The following GC variants were observed in gnomAD, a reference collection of about 807,000 sequenced individuals.
GC encodes the protein GC vitamin D binding protein.
In GC, 43 loss-of-function variants were observed where a neutral mutation model predicts 56.7. That is an observed-to-expected ratio of 0.76 (90% CI 0.59 to 0.98). The LOEUF is 0.98. Among genes scored for constraint, GC ranks in the 50% least tolerant of loss-of-function variants. The pLI is 0.00. For missense variants in GC, 529 were observed against 545.9 expected (o/e 0.97, Z 0.31); for synonymous variants, 216 against 202.7 (o/e 1.07, Z -0.56).
intron 1 of GC, among the ~76,000 whole-genome samples, chr4:71,801,504 C>A (rs1228203837): frequency 6.6e-6 from 1 of 152,110 alleles, no homozygotes; most frequent in Non-Finnish European, 1.5e-5. Context: ...ATTTTTGACA[C>A]ATAGAGAGCC....
chr4:71,748,231 C>G (rs1741438358), intron 11 of GC, among the ~76,000 whole-genome samples: 1 of 152,108 alleles, frequency 6.6e-6, no homozygotes, highest in Non-Finnish European at 1.5e-5. Flanking sequence ...ATGGCTTAAT[C>G]AATGATAGCT....
At chr4:71,786,413 A>C (rs1742838619), upstream of GC, among the ~76,000 whole-genome samples, 2 of 151,822 alleles carry the variant, frequency 1.3e-5, no homozygotes, top group South Asian at 4.1e-4. Context: ...AAAAAGACCA[A>C]ATCAAACCTT....
chr4:71,803,576 G>C (rs1489233190), intron 1 of GC, among the ~76,000 whole-genome samples: 1 of 152,060 alleles, frequency 6.6e-6, no homozygotes, highest in Non-Finnish European at 1.5e-5. Flanking sequence ...AAAATACCGG[G>C]TATTTCTGGT....
At chr4:71,782,513 T>C (rs953451400) in intron 1 of GC, among the ~76,000 whole-genome samples, 24 of 151,856 alleles carry the variant, frequency 1.6e-4, no homozygotes, top group African/African-American at 5.1e-4. Context: ...TCTAGGGGAC[T>C]GACTGGAGGT....
At chr4:71,749,915 G>A (rs772019745) in intron 11 of GC, among the ~76,000 whole-genome samples, 3 of 152,122 alleles carry the variant, frequency 2.0e-5, no homozygotes, top group East Asian at 3.8e-4. Flanking sequence ...TGGGACCAGA[G>A]TGTAAATATG....
chr4:71,757,936 C>A lies in GC; in HGVS notation c.831+106G>T, dbSNP rs112583430. The stretch of plus-strand genomic sequence containing the variant: ...ATTTCATAGAATACATGTAAGCATC[C>A]GTTAGGATAATGCATATGAAATAGA... On this transcript the variant is annotated intron_variant, in intron 7 of 12. Transcript: ENST00000273951. The A allele has an allele frequency of 2.1e-3, 1,705 of 809,670 alleles. 31 individuals carry two copies. In the African/African-American group the frequency reaches 0.027, roughly 13 times the overall value. 50.2% of individuals were successfully genotyped at this position (809,670 alleles called of 1,614,324 possible). A position where few individuals can be genotyped will look rare whatever the true frequency, so the allele number is the denominator to read the frequency against.
intron 12 of GC, among the ~76,000 whole-genome samples, chr4:71,742,319 A>G (rs1278318365): frequency 1.3e-5 from 2 of 152,238 alleles, no homozygotes; most frequent in Admixed American, 1.3e-4. Context: ...TCTACTTTGT[A>G]TTAGGGCCAA....
At chr4:71,803,936 G>C in exon 1 of GC, 1 of 1,507,198 alleles carries the variant, frequency 6.6e-7, no homozygotes, top group Non-Finnish European at 8.9e-7. Flanking sequence ...CTCACTCCAA[G>C]ACCACAGCAT....
At chr4:71,783,050 AT>A (rs1742733870) in intron 1 of GC, among the ~76,000 whole-genome samples, 4 of 151,972 alleles carry the variant, frequency 2.6e-5, no homozygotes, top group African/African-American at 9.6e-5. Flanking sequence ...GAGTAAGGTT[AT>A]TCATGTTACA....
At chr4:71,790,122 T>C (rs1289428144) in intron 1 of GC, among the ~76,000 whole-genome samples, 1 of 152,046 alleles carries the variant, frequency 6.6e-6, no homozygotes, top group Admixed American at 6.6e-5. Context: ...AGTATGTCCT[T>C]CTTTATCTAT....
intron 10 of GC, among the ~76,000 whole-genome samples, chr4:71,753,025 A>G (rs1303667528): frequency 3.3e-5 from 5 of 152,094 alleles, no homozygotes; most frequent in African/African-American, 7.2e-5. Context: ...TACCAGCTTA[A>G]TGCCTTTTTT....
chr4:71,766,889 A>C (rs1275337836), intron 3 of GC, among the ~76,000 whole-genome samples: 1 of 152,198 alleles, frequency 6.6e-6, no homozygotes, highest in African/African-American at 2.4e-5. Flanking sequence ...AACAAGCAGG[A>C]GAAAGAGAAA....
At chr4:71,798,884 G>A (rs1049871196) in intron 1 of GC, among the ~76,000 whole-genome samples, 1 of 152,144 alleles carries the variant, frequency 6.6e-6, no homozygotes, top group African/African-American at 2.4e-5. Flanking sequence ...TTTTAGGCAA[G>A]TCTCATATAT....
At chr4:71,767,788 G>C (rs1056393824) in intron 3 of GC, among the ~76,000 whole-genome samples, 1 of 151,868 alleles carries the variant, frequency 6.6e-6, no homozygotes, top group African/African-American at 2.4e-5. Context: ...TGTACCTAAT[G>C]TATAGTTTTT....
At chr4:71,752,466 A>G (rs1578283375) in intron 11 of GC, 52 bp downstream of exon 11, 1 of 1,481,104 alleles carries the variant, frequency 6.8e-7, no homozygotes, top group East Asian at 2.3e-5. Flanking sequence ...ATTGGAGTGC[A>G]TACGTTCTTA....
In GC at chr4:71,756,783, G is replaced by A. The variant is rs368042300; in HGVS notation, c.963C>T (p.Pro321=). 2.0e-5 allele frequency: 32 copies of A among 1,613,596 alleles called. No homozygotes were observed. The African/African-American group carries it at 2.0e-4, about 10-fold the overall frequency. ...CTYFMPAAQL[P]ELPDVELPTN... ...TGGGCAACTCTACATCTGGAAGCTC[G>A]GGGAGTTGGGCAGCTGGCATGAAGT... Residue 321 remains proline, a synonymous_variant, in exon 8 of 13, where the codon CCC becomes CCT. Coordinates refer to ENST00000273951, the MANE Select transcript of GC (RefSeq NM_000583.4).
At chr4:71,790,068 C>A (rs1742932197) in intron 1 of GC, among the ~76,000 whole-genome samples, 1 of 151,946 alleles carries the variant, frequency 6.6e-6, no homozygotes, top group Non-Finnish European at 1.5e-5. Flanking sequence ...TATACACATA[C>A]AGAATTTTAA....
intron 1 of GC, among the ~76,000 whole-genome samples, chr4:71,780,439 G>A (rs1312436915): frequency 6.6e-6 from 1 of 152,028 alleles, no homozygotes; most frequent in Non-Finnish European, 1.5e-5. Flanking sequence ...CCATCAGAGT[G>A]AACAGCAACC....
At chr4:71,749,736 G>A (rs997443677) in intron 11 of GC, among the ~76,000 whole-genome samples, 12 of 152,092 alleles carry the variant, frequency 7.9e-5, no homozygotes, top group Non-Finnish European at 2.9e-5. Flanking sequence ...TGACAATCCA[G>A]CTTCTTCTGT....
Sources: allele counts gnomAD v4.1 joint callset (sites outside exome capture counted in the v4.1 genomes callset), GRCh38; gene constraint gnomAD v4.1.1; transcripts MANE v1.5; gene names NCBI Gene and HGNC (gene_info 2026-07-23, HGNC 2026-07-21).